The following AGAP1 variants were observed in gnomAD, a reference collection of about 807,000 sequenced individuals.
AGAP1 encodes the protein arf-GAP with GTPase, ANK repeat and PH domain-containing protein 1.
A neutral mutation model predicts 105.3 loss-of-function variants in AGAP1; 29 were observed. The ratio of observed to expected loss-of-function variants is 0.28; its 90% CI spans 0.21 to 0.38. The LOEUF is 0.38. AGAP1 is among the 10% of genes least tolerant of loss of function. The pLI, the probability that AGAP1 is intolerant of heterozygous loss-of-function variation, is 1.00. For synonymous variants in AGAP1, 509 were observed against 485.9 expected (o/e 1.05, Z -0.63); for missense variants, 998 against 1,165.1 (o/e 0.86, Z 2.09).
At chr2:236,094,291 TAAAA>T (rs201524432) in intron 16 of AGAP1, among the ~76,000 whole-genome samples, 1 of 139,504 alleles carries the variant, frequency 7.2e-6, no homozygotes, top group Admixed American at 7.2e-5. Context: ...TCTATATCTT[TAAAA>T]AAAAAAAAAA....
In AGAP1 at chr2:235,556,758, A is replaced by G. The variant is rs1024300766; in HGVS notation, c.163+61909A>G. 1.9e-4 allele frequency among the ~76,000 whole-genome samples: 29 copies of G among 152,248 alleles called. No individual in the cohort carries two copies. The highest frequency in any genetic ancestry group is 6.0e-4 in the African/African-American group (25 of 41,468). ...TGAATATTAAACTTTTCAGACTGTA[A>G]GATCGTGAATCTGAAAGTCGTTGCT... is the stretch of plus-strand genomic sequence containing the variant. On this transcript the variant is annotated intron_variant, in intron 1 of 17. Transcript: ENST00000304032. This position sits in a 1 kb window ranked among gnomAD's most constrained non-coding sequence, Gnocchi z 5.3.
At chr2:235,945,891 C>T (rs527288493) in intron 12 of AGAP1, among the ~76,000 whole-genome samples, 23 of 28,418 alleles carry the variant, frequency 8.1e-4, no homozygotes, top group African/African-American at 3.2e-3. Context: ...ACATGGCTGG[C>T]GGTGGTGGTG....
In AGAP1 at chr2:235,549,402, C is replaced by T. The variant is rs1157677624; in HGVS notation, c.163+54553C>T. Among the ~76,000 whole-genome samples, 1 of 152,230 alleles carries T rather than the reference C, an allele frequency of 6.6e-6. No individual in the cohort carries two copies. The highest frequency in any genetic ancestry group is 2.4e-5 in the African/African-American group (1 of 41,554). On this transcript the variant is annotated intron_variant, in intron 1 of 17. Coordinates refer to ENST00000304032, the MANE Select transcript of AGAP1 (RefSeq NM_001037131.3). This position sits in a 1 kb window ranked among gnomAD's most constrained non-coding sequence, Gnocchi z 4.2. ...TCCTGTCAGAGGACCCCAGAGAGCTCCCCCAGCTACTTGGAGAGATGCTGT... is the reference window on the plus strand; with the variant it reads ...TCCTGTCAGAGGACCCCAGAGAGCTTCCCCAGCTACTTGGAGAGATGCTGT...
chr2:235,763,991 T>C (rs2696408), intron 6 of AGAP1, among the ~76,000 whole-genome samples: 4,570 of 147,724 alleles, frequency 0.031, 94 homozygotes, highest in Non-Finnish European at 0.034. Flanking sequence ...GATCTGTGTG[T>C]GGCTGTGATC....
rs911187873 is a variant in AGAP1 at position 235,635,734 on chromosome 2, G to A, written c.164-73445G>A. ...CGTTGCCCGGAAGTCTGATGCGTGA[G>A]GCGGGAAGGTTAAAACTTGTTGGCT... On this transcript the variant is annotated intron_variant, in intron 1 of 17. Coordinates refer to ENST00000304032, the MANE Select transcript of AGAP1 (RefSeq NM_001037131.3). The surrounding 1 kb of genome is among the most constrained non-coding windows in gnomAD (Gnocchi z 5.3). Among the ~76,000 whole-genome samples the A allele has an allele frequency of 6.6e-6, 1 of 152,146 alleles. No individual in the cohort carries two copies. Among genetic ancestry groups the A allele is most frequent in the Non-Finnish European group, 1.5e-5 (1 of 68,040 alleles).
chr2:235,840,037 T>TAA, intron 9 of AGAP1, among the ~76,000 whole-genome samples: 1 of 152,254 alleles, frequency 6.6e-6, no homozygotes, highest in East Asian at 1.9e-4. Flanking sequence ...GTGTATTAGC[T>TAA]GTTTATTCAA....
At chr2:235,975,494 T>C (rs894643525) in intron 13 of AGAP1, among the ~76,000 whole-genome samples, 1 of 152,130 alleles carries the variant, frequency 6.6e-6, no homozygotes, top group Non-Finnish European at 1.5e-5. Flanking sequence ...GCAGTGTGCT[T>C]GTTTTGTTAT....
At chr2:235,638,891 C>T (rs931170040) in intron 1 of AGAP1, among the ~76,000 whole-genome samples, 2 of 152,180 alleles carry the variant, frequency 1.3e-5, no homozygotes, top group Non-Finnish European at 2.9e-5. Context: ...TCAGGATGTT[C>T]AGGAGCATCT....
Position 235,967,117 on chromosome 2 carries a change from C to A in AGAP1, c.1484-1345C>A, listed in dbSNP as rs1349612663. ...GCAAGCCCCCTCCTCTCCAGTGCCA[C>A]CTTCCGCAGGCCTCTCCCACCCACA... On this transcript the variant is annotated intron_variant, in intron 12 of 17. Transcript: ENST00000304032. This position sits in a 1 kb window ranked among gnomAD's most constrained non-coding sequence, Gnocchi z 4.7. Among the ~76,000 whole-genome samples the A allele has an allele frequency of 6.6e-6, 1 of 152,110 alleles. No individual in the cohort carries two copies. Among genetic ancestry groups the A allele is most frequent in the Non-Finnish European group, 1.5e-5 (1 of 68,004 alleles).
Position 236,062,498 on chromosome 2 carries a change from C to T in AGAP1, c.2114+13217C>T, listed in dbSNP as rs530519447. On this transcript the variant is annotated intron_variant, in intron 16 of 17. Coordinates refer to ENST00000304032, the MANE Select transcript of AGAP1 (RefSeq NM_001037131.3). This position sits in a 1 kb window ranked among gnomAD's most constrained non-coding sequence, Gnocchi z 4.2. ...TATTTTCATGTATTTTTTTTAGAAA[C>T]AGAATCTCACTCTATCACACAGGCT... Among the ~76,000 whole-genome samples the T allele has an allele frequency of 1.3e-4, 19 of 151,376 alleles. 1 individual carries two copies. Among genetic ancestry groups the T allele is most frequent in the Middle Eastern group, 3.4e-3 (1 of 292 alleles).
chr2:235,890,232 C>T (rs957009491), intron 10 of AGAP1, among the ~76,000 whole-genome samples: 3 of 150,710 alleles, frequency 2.0e-5, no homozygotes, highest in Non-Finnish European at 4.4e-5. Flanking sequence ...ACGATCTCAG[C>T]TCACTGCAAC....
intron 9 of AGAP1, among the ~76,000 whole-genome samples, chr2:235,825,746 T>C (rs1959027938): frequency 6.6e-6 from 1 of 152,214 alleles, no homozygotes; most frequent in East Asian, 1.9e-4. Flanking sequence ...TAATTTGAAA[T>C]GTTAAAACCC....
Position 235,983,311 on chromosome 2 carries a change from C to T in AGAP1, c.1645+14688C>T, listed in dbSNP as rs2055173642. Among the ~76,000 whole-genome samples, 6 of 152,318 alleles carry T rather than the reference C, an allele frequency of 3.9e-5. No homozygotes were observed. The South Asian group carries it at 1.2e-3, about 32-fold the overall frequency. ...GCAGGGGTCTGGGCAAGGGGCTTCT[C>T]CCCTTGCTAGGCCCCCTCCTTTTGT... On this transcript the variant is annotated intron_variant, in intron 13 of 17. Coordinates refer to ENST00000304032, the MANE Select transcript of AGAP1 (RefSeq NM_001037131.3). The surrounding 1 kb of genome is among the most constrained non-coding windows in gnomAD (Gnocchi z 4.5).
Position 236,120,357 on chromosome 2 carries a change from G to T in AGAP1, c.2280G>T (p.Val760=). 6.2e-7 allele frequency: 1 copy of T among 1,611,966 alleles called. No individual in the cohort carries two copies. Among genetic ancestry groups the T allele is most frequent in the Middle Eastern group, 1.9e-4 (1 of 5,226 alleles). The change falls in exon 17 of 18, where the codon GTG becomes GTT. Residue 760 remains valine, a synonymous_variant. Transcript: ENST00000304032. This position sits in a 1 kb window ranked among gnomAD's most constrained non-coding sequence, Gnocchi z 6.0. The part of the protein sequence containing the change: ...LLLAHGSRDE[V]NETCGEGDGR... ...TGGCACACGGCTCCCGGGACGAGGTGAACGAGACCTGCGGGGAGGGAGACG... is the reference window on the plus strand; with the variant it reads ...TGGCACACGGCTCCCGGGACGAGGTTAACGAGACCTGCGGGGAGGGAGACG...
At chr2:235,503,854 CCAGAGTG>C (rs1306241833) in intron 1 of AGAP1, among the ~76,000 whole-genome samples, 1 of 152,154 alleles carries the variant, frequency 6.6e-6, no homozygotes, top group Non-Finnish European at 1.5e-5. Context: ...CCTCAGCCTC[CCAGAGTG>C]CTGGGATTAC....
chr2:235,885,401 T>A (rs2050228603), intron 10 of AGAP1, among the ~76,000 whole-genome samples: 1 of 152,240 alleles, frequency 6.6e-6, no homozygotes, highest in African/African-American at 2.4e-5. Context: ...TTCACTGTCA[T>A]AAAGAACTCT....
At position 235,889,444 on chromosome 2, in the gene AGAP1, G is replaced by A. The variant is rs371394800; in HGVS notation, c.1155+5995G>A. Among the ~76,000 whole-genome samples the A allele has an allele frequency of 1.1e-4, 16 of 152,268 alleles. No homozygotes were observed. In the South Asian group the frequency reaches 2.7e-3, roughly 26 times the overall value. On this transcript the variant is annotated intron_variant, in intron 10 of 17. Coordinates refer to ENST00000304032, the MANE Select transcript of AGAP1 (RefSeq NM_001037131.3). This position sits in a 1 kb window ranked among gnomAD's most constrained non-coding sequence, Gnocchi z 4.6. Reference sequence around the variant, plus strand: ...TTCTACTTGCAGAAGATCATGACAAGGGACTTCAGCTGGGTGGTGGCCCTG... The same window carrying A: ...TTCTACTTGCAGAAGATCATGACAAAGGACTTCAGCTGGGTGGTGGCCCTG...
chr2:235,541,437 G>A (rs1943435203), intron 1 of AGAP1, among the ~76,000 whole-genome samples: 1 of 139,478 alleles, frequency 7.2e-6, no homozygotes, highest in Non-Finnish European at 1.5e-5. Flanking sequence ...GCCCAGGCTG[G>A]AGTGCAGTGG....
rs13387472 is a variant in AGAP1, at chr2:236,104,843, G to A, written c.2115-15349G>A. Among the ~76,000 whole-genome samples the A allele has an allele frequency of 0.018, 2,741 of 152,146 alleles. 81 individuals carry two copies. Among genetic ancestry groups the A allele is most frequent in the African/African-American group, 0.061 (2,527 of 41,500 alleles). ...GGACCCGGGAGGCGGAGGTAGCAGT[G>A]AGCCCAAGTTCATGCCACTGCACTG... On this transcript the variant is annotated intron_variant, in intron 16 of 17. Coordinates refer to ENST00000304032, the MANE Select transcript of AGAP1 (RefSeq NM_001037131.3). The surrounding 1 kb of genome is among the most constrained non-coding windows in gnomAD (Gnocchi z 4.7).
Sources: gnomAD v4.1 joint callset for allele counts (sites outside exome capture counted in the v4.1 genomes callset) on GRCh38, gnomAD v4.1.1 for gene constraint, Gnocchi (gnomAD v3.1) non-coding constraint, MANE v1.5 for transcripts, NCBI Gene and HGNC (gene_info 2026-07-23, HGNC 2026-07-21) for gene names.